Variants in ZNG1A observed in about 807,000 individuals in gnomAD.
ZNG1A encodes zinc-regulated GTPase metalloprotein activator 1A.
At chr9:166,490 T>A in the ZNG1A span, 4 of 152,498 alleles carry the variant, frequency 2.6e-5, no homozygotes, top group Non-Finnish European at 5.9e-5. Context: ...ATACAGGGAA[T>A]AAAAAGCAAG....
chr9:170,480 G>C, the ZNG1A span, among the ~76,000 whole-genome samples: 1 of 150,854 alleles, frequency 6.6e-6, no homozygotes, highest in Admixed American at 6.6e-5. Context: ...CCGCCTCCCA[G>C]CTTTCAAGCG....
the ZNG1A span, among the ~76,000 whole-genome samples, chr9:138,227 G>C: frequency 6.6e-6 from 1 of 151,488 alleles, no homozygotes; most frequent in Non-Finnish European, 1.5e-5. Flanking sequence ...AGAAGCTACA[G>C]GTGAAAAACA....
At chr9:162,524 T>G in the ZNG1A span, 1 of 1,568,356 alleles carries the variant, frequency 6.4e-7, no homozygotes. Context: ...TATTAATATT[T>G]GTACAACCAT....
chr9:128,976 C>T, the ZNG1A span, among the ~76,000 whole-genome samples: 1 of 151,798 alleles, frequency 6.6e-6, no homozygotes, highest in South Asian at 2.1e-4. Flanking sequence ...AGCAAGTCTA[C>T]CAGGCTCCAG....
the ZNG1A span, among the ~76,000 whole-genome samples, chr9:174,601 C>G: frequency 6.6e-6 from 1 of 151,138 alleles, no homozygotes; most frequent in East Asian, 1.9e-4. Flanking sequence ...TTAGAAATCT[C>G]AGGATTTTTG....
chr9:163,654 C>G, the ZNG1A span, among the ~76,000 whole-genome samples: 1 of 151,958 alleles, frequency 6.6e-6, no homozygotes, highest in African/African-American at 2.4e-5. Flanking sequence ...TGGTGGCTCA[C>G]GCCTGTAATC....
the ZNG1A span, among the ~76,000 whole-genome samples, chr9:175,134 C>A: frequency 6.6e-6 from 1 of 152,148 alleles, no homozygotes; most frequent in African/African-American, 2.4e-5. Flanking sequence ...ATCCCAGCAA[C>A]TTTGGGAGGC....
the ZNG1A span, chr9:148,131 G>C: frequency 8.1e-6 from 1 of 123,516 alleles, no homozygotes; most frequent in African/African-American, 3.0e-5. Flanking sequence ...CTTCATCTTA[G>C]GAAATAGCTT....
chr9:139,754 G>C, the ZNG1A span, among the ~76,000 whole-genome samples: 1 of 151,562 alleles, frequency 6.6e-6, no homozygotes, highest in East Asian at 1.9e-4. Context: ...GAGGTACCGG[G>C]TTCATCTCAC....
At chr9:159,400 T>C in the ZNG1A span, among the ~76,000 whole-genome samples, 1 of 151,652 alleles carries the variant, frequency 6.6e-6, no homozygotes, top group South Asian at 2.1e-4. Flanking sequence ...TATTGTATAC[T>C]TGAATCTGCT....
chr9:144,594 T>C, the ZNG1A span, among the ~76,000 whole-genome samples: 1 of 151,946 alleles, frequency 6.6e-6, no homozygotes, highest in Admixed American at 6.5e-5. Context: ...ATAAAAACCC[T>C]AGAAGAAAAC....
At chr9:140,199 CT>C in the ZNG1A span, among the ~76,000 whole-genome samples, 1 of 151,648 alleles carries the variant, frequency 6.6e-6, no homozygotes, top group Non-Finnish European at 1.5e-5. Flanking sequence ...TAGGCTCCAC[CT>C]CTGGGGGCAG....
At chr9:172,326 G>A in the ZNG1A span, 27,413 of 873,006 alleles carry the variant, frequency 0.031, 575 homozygotes, top group Middle Eastern at 0.058. Context: ...CAAAATGTCC[G>A]TCCCATATTT....
chr9:169,620 T>C, the ZNG1A span, among the ~76,000 whole-genome samples: 3 of 147,074 alleles, frequency 2.0e-5, no homozygotes, highest in African/African-American at 7.7e-5. Flanking sequence ...GCAAACTTCA[T>C]TATTATCTTA....
the ZNG1A span, among the ~76,000 whole-genome samples, chr9:144,639 A>C: frequency 1.3e-5 from 2 of 151,832 alleles, no homozygotes; most frequent in Admixed American, 1.3e-4. Context: ...GGCATGGGCA[A>C]GGACTTCATG....
the ZNG1A span, among the ~76,000 whole-genome samples, chr9:126,967 T>A: frequency 6.6e-6 from 1 of 152,190 alleles, no homozygotes; most frequent in Non-Finnish European, 1.5e-5. Context: ...GAGCAGGTTA[T>A]TCCATGTATC....
At chr9:169,179 T>C in the ZNG1A span, among the ~76,000 whole-genome samples, 1 of 152,102 alleles carries the variant, frequency 6.6e-6, no homozygotes, top group Non-Finnish European at 1.5e-5. Flanking sequence ...GATCAAAGTA[T>C]CAACATGAAT....
the ZNG1A span, among the ~76,000 whole-genome samples, chr9:178,312 T>C: frequency 6.6e-6 from 1 of 151,940 alleles, no homozygotes; most frequent in Non-Finnish European, 1.5e-5. Context: ...AAAAAGTGTT[T>C]AAGATAGGAG....
the ZNG1A span, among the ~76,000 whole-genome samples, chr9:159,111 T>G: frequency 6.6e-6 from 1 of 150,450 alleles, no homozygotes; most frequent in Non-Finnish European, 1.5e-5. Flanking sequence ...AAATATTTTT[T>G]AAATATTTTA....
Sources: gnomAD v4.1 joint callset for allele counts (sites outside exome capture counted in the v4.1 genomes callset) on GRCh38, gnomAD v4.1.1 for gene constraint, MANE v1.5 for transcripts, NCBI Gene and HGNC (gene_info 2026-07-23, HGNC 2026-07-21) for gene names.